Variants in INSR observed in about 807,000 individuals in gnomAD.
INSR encodes the protein IR.
A neutral mutation model predicts 142.6 loss-of-function variants in INSR; 67 were observed. The observed-to-expected ratio is 0.47, with a 90% CI of 0.39 to 0.58. INSR has a LOEUF of 0.58. Ranked by LOEUF, INSR falls within the 20% of genes least tolerant of loss-of-function variation. The pLI is 0.00. For missense variants in INSR, 1,248 were observed against 1,833.2 expected, an observed-to-expected ratio of 0.68 and a Z score of 5.83; for synonymous variants, 756 against 743.1, an observed-to-expected ratio of 1.02 and a Z score of -0.28.
chr19:7,148,477 CT>C (rs71177160), intron 11 of INSR, among the ~76,000 whole-genome samples: 15 of 95,062 alleles, frequency 1.6e-4, no homozygotes, highest in African/African-American at 3.6e-4. Context: ...TGTATTTATT[CT>C]TTTTTTTTTT....
chr19:7,188,273 C>T (rs541056646), intron 2 of INSR, among the ~76,000 whole-genome samples: 2 of 152,148 alleles, frequency 1.3e-5, no homozygotes, highest in African/African-American at 2.4e-5. Context: ...GGGCTGGGCG[C>T]GGGGGCTCAC....
chr19:7,186,765 C>T (rs1253731355), intron 2 of INSR, among the ~76,000 whole-genome samples: 6 of 151,894 alleles, frequency 4.0e-5, no homozygotes, highest in African/African-American at 1.2e-4. Context: ...GGTGCAGTGG[C>T]GCGATCTCAG....
intron 14 of INSR, among the ~76,000 whole-genome samples, chr19:7,131,687 C>CA (rs1555736704): frequency 3.3e-5 from 4 of 122,014 alleles, no homozygotes; most frequent in Non-Finnish European, 1.6e-5. Context: ...ACCTCTGAAA[C>CA]TTTTTTTTTT....
intron 2 of INSR, among the ~76,000 whole-genome samples, chr19:7,191,648 CCT>C (rs929513824): frequency 6.6e-6 from 1 of 152,020 alleles, no homozygotes; most frequent in African/African-American, 2.4e-5. Context: ...TAGCCAGACC[CCT>C]GTCTCTACAA....
intron 3 of INSR, among the ~76,000 whole-genome samples, chr19:7,179,810 T>C (rs575058928): frequency 6.6e-6 from 1 of 152,092 alleles, no homozygotes; most frequent in Non-Finnish European, 1.5e-5. Context: ...GCTTTCCCAG[T>C]GGGAAATTAT....
At chr19:7,285,316 G>T (rs1016739718) in intron 1 of INSR, among the ~76,000 whole-genome samples, 4 of 152,170 alleles carry the variant, frequency 2.6e-5, no homozygotes, top group African/African-American at 9.7e-5. Context: ...GCCGGGCATG[G>T]TGGCGTGCCT....
At chr19:7,174,832 T>A in intron 3 of INSR, 101 bp from the exon 4 acceptor site, 1 of 1,217,554 alleles carries the variant, frequency 8.2e-7, no homozygotes. Context: ...CCTGATATGG[T>A]ATTTCTTTGT....
intron 2 of INSR, among the ~76,000 whole-genome samples, chr19:7,218,825 T>G (rs976510230): frequency 2.6e-5 from 4 of 152,014 alleles, no homozygotes; most frequent in Non-Finnish European, 4.4e-5. Context: ...ATTACAGGTG[T>G]GAGATTAAGG....
chr19:7,289,411 T>C (rs868647767), intron 1 of INSR, among the ~76,000 whole-genome samples: 6,469 of 148,218 alleles, frequency 0.044, 431 homozygotes, highest in African/African-American at 0.15. Context: ...TTTTCTTTTT[T>C]TTTTTTTTTT....
intron 16 of INSR, among the ~76,000 whole-genome samples, chr19:7,126,250 G>A (rs535284923): frequency 3.9e-5 from 6 of 152,288 alleles, no homozygotes; most frequent in African/African-American, 1.4e-4. Flanking sequence ...AGACTACCGA[G>A]TGCTAGCTGA....
chr19:7,154,380 G>A (rs1973531875), intron 9 of INSR, among the ~76,000 whole-genome samples: 1 of 134,346 alleles, frequency 7.4e-6, no homozygotes, highest in Non-Finnish European at 1.5e-5. Context: ...TTGGCTCACT[G>A]CAAGCTCCAC....
At chr19:7,139,821 CTT>C (rs10673049) in intron 13 of INSR, among the ~76,000 whole-genome samples, 4 of 115,734 alleles carry the variant, frequency 3.5e-5, no homozygotes, top group Non-Finnish European at 5.0e-5. Context: ...GTTGCGTATT[CTT>C]TTTTTTTTTT....
At position 7,119,139 on chromosome 19, in the gene INSR, T is replaced by C. The variant is rs1972413896; in HGVS notation, c.3794+310A>G. On this transcript the variant is annotated intron_variant, in intron 21 of 21. Transcript: ENST00000302850. The surrounding 1 kb of genome is among the most constrained non-coding windows in gnomAD (Gnocchi z 5.2). Reference sequence around the variant, plus strand: ...TTATAATATGTAAATGAGGTGTACATGTGCCATGATATGCTGATGCACACA... The same window carrying C: ...TTATAATATGTAAATGAGGTGTACACGTGCCATGATATGCTGATGCACACA... Among the ~76,000 whole-genome samples, 1 of 152,182 alleles carries C rather than the reference T, an allele frequency of 6.6e-6. No homozygotes were observed. The highest frequency in any genetic ancestry group is 1.5e-5 in the Non-Finnish European group (1 of 68,040).
intron 4 of INSR, among the ~76,000 whole-genome samples, chr19:7,173,612 C>CA (rs1974067730): frequency 3.3e-5 from 2 of 61,480 alleles, no homozygotes; most frequent in South Asian, 7.1e-4. Context: ...CAGCGCCTGG[C>CA]TTTTTTTTTT....
At chr19:7,280,212 C>A (rs182621784) in intron 1 of INSR, among the ~76,000 whole-genome samples, 1 of 150,974 alleles carries the variant, frequency 6.6e-6, no homozygotes, top group Non-Finnish European at 1.5e-5. Context: ...TGCAGTGAGT[C>A]GAGACTGCGC....
chr19:7,243,243 T>TG (rs1218021164), intron 2 of INSR, among the ~76,000 whole-genome samples: 2 of 126,324 alleles, frequency 1.6e-5, no homozygotes, highest in African/African-American at 6.2e-5. Context: ...GGTTTTTTTT[T>TG]TTTTTTTTTT....
At chr19:7,263,612 GTC>G (rs1179864058) in intron 2 of INSR, among the ~76,000 whole-genome samples, 1 of 152,138 alleles carries the variant, frequency 6.6e-6, no homozygotes, top group African/African-American at 2.4e-5. Flanking sequence ...TTGAGATAGA[GTC>G]TCAGTTTGTC....
intron 2 of INSR, among the ~76,000 whole-genome samples, chr19:7,259,086 TCCCG>T (rs1976981230): frequency 2.1e-5 from 1 of 48,016 alleles, no homozygotes; most frequent in East Asian, 4.7e-4. Context: ...CTTCTTTCCT[TCCCG>T]CCTTCCCTCC....
chr19:7,153,406 ACAC>A (rs2144898904), intron 9 of INSR, among the ~76,000 whole-genome samples: 1 of 14,030 alleles, frequency 7.1e-5, no homozygotes, highest in Admixed American at 8.3e-4. Flanking sequence ...CACCACATAC[ACAC>A]TTCACACACA....
Sources: gnomAD v4.1 joint callset for allele counts (sites outside exome capture counted in the v4.1 genomes callset) on GRCh38, gnomAD v4.1.1 for gene constraint, Gnocchi (gnomAD v3.1) non-coding constraint, MANE v1.5 for transcripts, NCBI Gene and HGNC (gene_info 2026-07-23, HGNC 2026-07-21) for gene names.